Variants in C8orf76 observed in about 807,000 individuals in gnomAD.
C8orf76 encodes the protein uncharacterized protein C8orf76.
Under a neutral mutation model 38.1 loss-of-function variants are expected in C8orf76, and 46 were observed. The observed-to-expected ratio is 1.21, with a 90% CI of 0.95 to 1.54. The LOEUF (loss-of-function observed/expected upper bound fraction) is 1.54. Ranked by LOEUF, C8orf76 falls within the 40% of genes most tolerant of loss-of-function variation. The pLI, the probability that C8orf76 is intolerant of heterozygous loss-of-function variation, is 0.00. For missense variants in C8orf76, 461 were observed against 441.6 expected, an observed-to-expected ratio of 1.04 and a Z score of -0.39; for synonymous variants, 166 against 167.5, an observed-to-expected ratio of 0.99 and a Z score of 0.07.
In C8orf76 at chr8:123,226,498, A is replaced by C; in HGVS notation, c.948+2T>G. 6.2e-7 allele frequency: 1 copy of C among 1,611,210 alleles called. No individual in the cohort carries two copies. Among genetic ancestry groups the C allele is most frequent in the Non-Finnish European group, 8.5e-7 (1 of 1,179,368 alleles). On this transcript the variant is annotated splice_donor_variant, in intron 5 of 5. Coordinates refer to ENST00000276704, the MANE Select transcript of C8orf76 (RefSeq NM_032847.3). LOFTEE classifies it high-confidence loss of function. ...TCACATAAACCCGAGGGATACACTC[A>C]CCTCAGCTATCAACAGCAAAGTGTC...
intron 4 of C8orf76, among the ~76,000 whole-genome samples, chr8:123,228,152 C>T (rs1334018202): frequency 2.6e-5 from 4 of 152,218 alleles, no homozygotes; most frequent in African/African-American, 9.6e-5. Context: ...TTCCCACACA[C>T]TCCGCTGGTC....
intron 4 of C8orf76, among the ~76,000 whole-genome samples, chr8:123,230,472 T>C (rs1201604616): frequency 1.3e-5 from 2 of 152,222 alleles, no homozygotes; most frequent in African/African-American, 2.4e-5. Context: ...CATTCCATCT[T>C]GGACAATGAC....
chr8:123,238,904 C>T, intron 2 of C8orf76, 145 bp downstream of exon 2: 1 of 763,138 alleles, frequency 1.3e-6, no homozygotes, highest in Non-Finnish European at 2.1e-6. Context: ...AGAACGGAAA[C>T]TTGGGAGCCT....
At chr8:123,221,804 G>A (rs1824900391) in intron 5 of C8orf76, among the ~76,000 whole-genome samples, 1 of 152,100 alleles carries the variant, frequency 6.6e-6, no homozygotes, top group African/African-American at 2.4e-5. Flanking sequence ...AACTACTTGG[G>A]AGGCGGAGGT....
At chr8:123,231,209 T>C in intron 4 of C8orf76, 91 bp downstream of exon 4, 2 of 1,445,040 alleles carry the variant, frequency 1.4e-6, no homozygotes, top group Non-Finnish European at 1.8e-6. Context: ...ACCAAATGTC[T>C]AGCCTAGAAC....
chr8:123,237,775 A>G (rs759453857), intron 3 of C8orf76, 23 bp downstream of exon 3: 1 of 1,605,454 alleles, frequency 6.2e-7, no homozygotes, highest in South Asian at 1.1e-5. Context: ...ATGTGTGTGA[A>G]AATAAGCAAT....
chr8:123,231,123 G>C (rs1825250692), intron 4 of C8orf76, among the ~76,000 whole-genome samples, 177 bp downstream of exon 4: 1 of 152,210 alleles, frequency 6.6e-6, no homozygotes. Flanking sequence ...TTAAACAAAT[G>C]TAGTTTTGTT....
At chr8:123,232,447 C>T (rs1329225955) in intron 3 of C8orf76, among the ~76,000 whole-genome samples, 1 of 152,220 alleles carries the variant, frequency 6.6e-6, no homozygotes, top group African/African-American at 2.4e-5. Flanking sequence ...CAAATGTCCT[C>T]TGGGTTAGTA....
At chr8:123,226,052 CA>C in intron 5 of C8orf76, 1 of 616,216 alleles carries the variant, frequency 1.6e-6, no homozygotes, top group Non-Finnish European at 2.0e-6. Context: ...CTGGCAAACA[CA>C]AGCTCCAGAC....
intron 4 of C8orf76, among the ~76,000 whole-genome samples, chr8:123,227,753 A>G (rs1024253404): frequency 8.5e-5 from 13 of 152,154 alleles, no homozygotes; most frequent in African/African-American, 2.9e-4. Context: ...AAGCAGGGCC[A>G]ATTCAAATCA....
rs111843338 is a variant in C8orf76 at position 123,231,656 on chromosome 8, C to A, written c.459G>T (p.Leu153=). 11 of 1,614,060 alleles carry A rather than the reference C, an allele frequency of 6.8e-6. No individual in the cohort carries two copies. Among genetic ancestry groups the A allele is most frequent in the African/African-American group, 6.7e-5 (5 of 75,016 alleles). ...LQNLEKTIFC[L]QKLISLHPFN... ...AAGGATGCAAAGAAATCAGTTTCTG[C>A]AGGCAGAAAATTGTTTTCTCCAAGT... Residue 153 remains leucine, a synonymous_variant, in exon 4 of 6, where the codon CTG becomes CTT. Coordinates refer to ENST00000276704, the MANE Select transcript of C8orf76 (RefSeq NM_032847.3).
At chr8:123,227,529 G>A (rs368320834) in intron 4 of C8orf76, among the ~76,000 whole-genome samples, 9 of 152,078 alleles carry the variant, frequency 5.9e-5, no homozygotes, top group South Asian at 2.1e-4. Context: ...CTTCAGATGC[G>A]GCGGTATAGG....
intron 3 of C8orf76, chr8:123,236,803 G>T: frequency 1.3e-5 from 7 of 555,176 alleles, no homozygotes; most frequent in East Asian, 6.4e-5. Context: ...AAAAAAGAAA[G>T]AAAAATTCCC....
chr8:123,239,775 G>C lies in C8orf76; in HGVS notation c.118-631C>G, dbSNP rs554713171. 6 of 152,204 alleles carry C rather than the reference G, an allele frequency of 3.9e-5. No homozygotes were observed. In the South Asian group the frequency reaches 1.2e-3, roughly 32 times the overall value. The allele number at this position is 152,204 out of a possible 1,614,324, so 9.4% of individuals were successfully genotyped here. The stretch of plus-strand genomic sequence containing the variant: ...AGGCCGAGGCGGGCAGATCACTTGA[G>C]GTTAGGAGTTTGAGACCAGCCTGGC... On this transcript the variant is annotated intron_variant, in intron 1 of 5. Transcript: ENST00000276704.
At chr8:123,234,035 A>G (rs2131153763) in intron 3 of C8orf76, among the ~76,000 whole-genome samples, 1 of 152,096 alleles carries the variant, frequency 6.6e-6, no homozygotes, top group Non-Finnish European at 1.5e-5. Context: ...CTCAAAAAAA[A>G]AAAAAAAATC....
At chr8:123,229,734 T>C (rs1351751492) in intron 4 of C8orf76, among the ~76,000 whole-genome samples, 1 of 152,162 alleles carries the variant, frequency 6.6e-6, no homozygotes, top group Admixed American at 6.6e-5. Flanking sequence ...ATTTGCCAAA[T>C]AGCTGGGAAC....
At position 123,231,277 on chromosome 8, in the gene C8orf76, T is replaced by C. The variant is rs778473330; in HGVS notation, c.815+23A>G. ...TTACTCTGAGCTGATTACCAAGCGT[T>C]GCTTAAGTGACTCTCAGCTTACCTG... is the stretch of plus-strand genomic sequence containing the variant. On this transcript the variant is annotated intron_variant, in intron 4 of 5. Coordinates refer to ENST00000276704, the MANE Select transcript of C8orf76 (RefSeq NM_032847.3). 22 of 1,583,232 alleles carry C rather than the reference T, an allele frequency of 1.4e-5. No individual in the cohort carries two copies. The Middle Eastern group carries it at 1.2e-3, about 85-fold the overall frequency.
At chr8:123,232,429 C>T (rs773902139) in intron 3 of C8orf76, among the ~76,000 whole-genome samples, 3 of 152,216 alleles carry the variant, frequency 2.0e-5, no homozygotes, top group African/African-American at 4.8e-5. Context: ...GCCTAACTTG[C>T]CATATGGCAA....
At chr8:123,225,348 A>C (rs1186389020) in intron 5 of C8orf76, among the ~76,000 whole-genome samples, 1 of 152,184 alleles carries the variant, frequency 6.6e-6, no homozygotes, top group Non-Finnish European at 1.5e-5. Flanking sequence ...AAGAGTAATC[A>C]ATAATTATCC....
Sources: allele counts gnomAD v4.1 joint callset (sites outside exome capture counted in the v4.1 genomes callset), GRCh38; gene constraint gnomAD v4.1.1; transcripts MANE v1.5; gene names NCBI Gene and HGNC (gene_info 2026-07-23, HGNC 2026-07-21).